The following LTBP4 variants were observed in gnomAD, a reference collection of about 807,000 sequenced individuals.
The protein encoded by LTBP4 is latent transforming growth factor beta binding protein 4.
A neutral mutation model predicts 180.2 loss-of-function variants in LTBP4; 93 were observed. That is an observed-to-expected ratio of 0.52 (90% CI 0.44 to 0.61). The LOEUF (loss-of-function observed/expected upper bound fraction) is 0.61, where lower values mean the gene tolerates loss of function less well. Ranked by LOEUF, LTBP4 falls within the 20% of genes least tolerant of loss-of-function variation. The pLI is 0.00. For missense variants in LTBP4, 2,116 were observed against 2,256.5 expected (o/e 0.94, Z 1.26); for synonymous variants, 947 against 934.5 (o/e 1.01, Z -0.24).
At chr19:40,620,443 G>T (rs2081578493) in intron 22 of LTBP4, among the ~76,000 whole-genome samples, 1 of 143,902 alleles carries the variant, frequency 6.9e-6, no homozygotes, top group South Asian at 2.3e-4. Context: ...TTGTCATGTT[G>T]CCCAGGCTGC....
Position 40,605,725 on chromosome 19 carries a change from G to T in LTBP4, c.691-4G>T, listed in dbSNP as rs1193242968. 5 of 1,546,578 alleles carry T rather than the reference G, an allele frequency of 3.2e-6. No homozygotes were observed. Among genetic ancestry groups the T allele is most frequent in the South Asian group, 1.2e-5 (1 of 83,978 alleles). Reference sequence around the variant, plus strand: ...GGGCGCGCTCACCCAACACTTCCCCGCAGTGCGCGTCCCCGCTGCCCGGGC... The same window carrying T: ...GGGCGCGCTCACCCAACACTTCCCCTCAGTGCGCGTCCCCGCTGCCCGGGC... On this transcript the variant is annotated splice_region_variant and splice_polypyrimidine_tract_variant and intron_variant, in intron 3 of 29. Coordinates refer to ENST00000396819, the MANE Select transcript of LTBP4 (RefSeq NM_001042545.2). The surrounding 1 kb of genome is among the most constrained non-coding windows in gnomAD (Gnocchi z 5.5).
chr19:40,622,757 C>T lies in LTBP4; in HGVS notation c.3484+90C>T, dbSNP rs1021295211. ...GCCTGGGACAGGGGACACTTTTGGA[C>T]AGGGCCTTGAGGTACTAGTACTGTC... On this transcript the variant is annotated intron_variant, in intron 23 of 29. Coordinates refer to ENST00000396819, the MANE Select transcript of LTBP4 (RefSeq NM_001042545.2). This position sits in a 1 kb window ranked among gnomAD's most constrained non-coding sequence, Gnocchi z 5.1. The T allele has an allele frequency of 4.0e-6, 6 of 1,483,864 alleles. No individual in the cohort carries two copies. Among genetic ancestry groups the T allele is most frequent in the African/African-American group, 1.4e-5 (1 of 72,692 alleles). The allele number at this position is 1,483,864 out of a possible 1,614,324, so 91.9% of individuals were successfully genotyped here.
chr19:40,627,907 C>G, intron 29 of LTBP4, 50 bp downstream of exon 29: 1 of 1,524,580 alleles, frequency 6.6e-7, no homozygotes, highest in Non-Finnish European at 8.8e-7. Context: ...GAGGCTTGTC[C>G]AGGGAGGGTG....
upstream of LTBP4, chr19:40,600,002 G>A: frequency 1.2e-6 from 1 of 822,196 alleles, no homozygotes; most frequent in East Asian, 3.3e-5. This position sits in a 1 kb window ranked among gnomAD's most constrained non-coding sequence, Gnocchi z 4.4. Context: ...TCCTGGCATG[G>A]AGGCCCTTTG....
intron 6 of LTBP4, among the ~76,000 whole-genome samples, chr19:40,607,138 C>T (rs1005088293): frequency 1.3e-5 from 2 of 152,204 alleles, no homozygotes; most frequent in Non-Finnish European, 2.9e-5. Context: ...TGAGATCCTT[C>T]TCAGAGTCTC....
rs1220133830 is a variant in LTBP4 at position 40,601,436 on chromosome 19, G to GCGCAGCTAGGGC, written c.56_67dup (p.Leu19_Gln22dup). The GCGCAGCTAGGGC allele has an allele frequency of 2.3e-4, 340 of 1,458,068 alleles. No individual in the cohort carries two copies. Among genetic ancestry groups the GCGCAGCTAGGGC allele is most frequent in the Non-Finnish European group, 2.7e-4 (299 of 1,107,630 alleles). 90.3% of individuals were successfully genotyped at this position (1,458,068 alleles called of 1,614,324 possible). The stretch of plus-strand genomic sequence containing the variant: ...CTGGGTGTCGCTATTGGTGCTGCTG[G>GCGCAGCTAGGGC]CGCAGCTAGGGCCGCAGCCTGGACT... On this transcript the variant is annotated inframe_insertion, in exon 1 of 30. Coordinates refer to ENST00000396819, the MANE Select transcript of LTBP4 (RefSeq NM_001042545.2).
At position 40,605,167 on chromosome 19, in the gene LTBP4, C is replaced by G. The variant is rs1157340059; in HGVS notation, c.383C>G (p.Pro128Arg). The change falls in exon 2 of 30, where the codon CCA becomes CGA. Residue 128 changes from proline to arginine, a missense_variant. Coordinates refer to ENST00000396819, the MANE Select transcript of LTBP4 (RefSeq NM_001042545.2). This position sits in a 1 kb window ranked among gnomAD's most constrained non-coding sequence, Gnocchi z 5.5. ...SGARPPAPAVPGLTRSVYTMP... is the reference protein window; with the variant it reads ...SGARPPAPAVRGLTRSVYTMP... ...GCCCGGCCCCCGGCCCCGGCTGTAC[C>G]AGGCCTCACCCGCTCCGTGTACACT... The G allele has an allele frequency of 1.2e-6, 2 of 1,610,408 alleles. No individual in the cohort carries two copies. Among genetic ancestry groups the G allele is most frequent in the Middle Eastern group, 1.7e-4 (1 of 6,056 alleles).
At chr19:40,623,783 C>T (rs2081604487) in intron 25 of LTBP4, 51 bp downstream of exon 25, 3 of 1,608,484 alleles carry the variant, frequency 1.9e-6, no homozygotes, top group Admixed American at 1.7e-5. Context: ...AACCCCTAGC[C>T]TTGCCAGCTC....
Position 40,605,461 on chromosome 19 carries a change from G to A in LTBP4, c.499G>A (p.Val167Met). The change falls in exon 3 of 30, where the codon GTG becomes ATG. Residue 167 changes from valine to methionine, a missense_variant. Val to Met is a conservative substitution (Grantham distance 21). Transcript: ENST00000396819. The surrounding 1 kb of genome is among the most constrained non-coding windows in gnomAD (Gnocchi z 5.5). ...VEHPQEASVV[V>M]HQVERVSGPW... ...GCACCCGCAGGAGGCGTCGGTGGTG[G>A]TGCACCAGGTGGAGCGTGTGTCTGG... is the stretch of plus-strand genomic sequence containing the variant. The A allele has an allele frequency of 6.2e-7, 1 of 1,612,624 alleles. No homozygotes were observed.
At chr19:40,607,562 G>C in intron 7 of LTBP4, 33 bp downstream of exon 7, 1 of 1,570,872 alleles carries the variant, frequency 6.4e-7, no homozygotes, top group Non-Finnish European at 8.6e-7. Flanking sequence ...AGCCCTACGC[G>C]CAACACATGT....
upstream of LTBP4, among the ~76,000 whole-genome samples, chr19:40,598,177 G>C (rs2081401222): frequency 8.0e-6 from 1 of 125,644 alleles, no homozygotes; most frequent in Non-Finnish European, 1.7e-5. Context: ...CTCCTCTCCC[G>C]CCTGGGTCTC....
chr19:40,625,729 A>G lies in LTBP4; in HGVS notation c.3833-128A>G, dbSNP rs2081628878. The G allele has an allele frequency of 5.1e-6, 4 of 791,628 alleles. No homozygotes were observed. The Admixed American group carries it at 1.0e-4, about 20-fold the overall frequency. 49.0% of individuals were successfully genotyped at this position (791,628 alleles called of 1,614,324 possible). ...GACCTCAGAGAACTTCCAGAGTTAG[A>G]TCACAGCTGATGAGAAGGATTTGCT... On this transcript the variant is annotated intron_variant, in intron 26 of 29. Transcript: ENST00000396819.
Position 40,625,890 on chromosome 19 carries a change from G to A in LTBP4, c.3866G>A (p.Gly1289Glu), listed in dbSNP as rs754438295. 2.5e-6 allele frequency: 4 copies of A among 1,598,322 alleles called. No homozygotes were observed. The highest frequency in any genetic ancestry group is 1.7e-5 in the Admixed American group (1 of 57,848). Residue 1289 changes from glycine (G) to glutamate (E), a missense_variant, in exon 27 of 30, where the codon GGG becomes GAG. Coordinates refer to ENST00000396819, the MANE Select transcript of LTBP4 (RefSeq NM_001042545.2). ...DNLGVCWQEV[G>E]ADLVCSHPRL... ...CTGGGAGTGTGCTGGCAGGAAGTGG[G>A]GGCTGACCTCGTGTGCAGCCACCCT... is the stretch of plus-strand genomic sequence containing the variant.
chr19:40,627,170 G>C lies in LTBP4; in HGVS notation c.4181G>C (p.Arg1394Pro). 6.2e-7 allele frequency: 1 copy of C among 1,612,986 alleles called. No homozygotes were observed. The highest frequency in any genetic ancestry group is 1.1e-5 in the South Asian group (1 of 90,896). ...CCACCGCCACCTGGGCCCTTCGCCC[G>C]CCGGGAGGCTCCTTATGGGGCACCC... ...PYPPPPGPFA[R>P]REAPYGAPRF... Residue 1394 changes from arginine (R) to proline (P), a missense_variant, in exon 28 of 30, where the codon CGC becomes CCC. This residue lies in a region of LTBP4 where 488 missense variants were observed against 458.8 expected (regional missense o/e 1.06). Transcript: ENST00000396819.
upstream of LTBP4, chr19:40,599,428 C>G: frequency 6.2e-7 from 1 of 1,613,868 alleles, no homozygotes; most frequent in Non-Finnish European, 8.5e-7. Context: ...AAGCCTTCTG[C>G]AGGGTCCGAA....
chr19:40,605,315 C>A lies in LTBP4; in HGVS notation c.442+89C>A. The A allele has an allele frequency of 6.3e-7, 1 of 1,577,374 alleles. No homozygotes were observed. The highest frequency in any genetic ancestry group is 1.3e-5 in the African/African-American group (1 of 74,420). On this transcript the variant is annotated intron_variant, in intron 2 of 29. Transcript: ENST00000396819. This position sits in a 1 kb window ranked among gnomAD's most constrained non-coding sequence, Gnocchi z 5.5. ...CTCATATTTCCCGCCTTCCCGAGCA[C>A]CTTTGCCCAGCTCGCCCTCCCCGCC...
chr19:40,617,189 G>T lies in LTBP4; in HGVS notation c.3034G>T (p.Gly1012Cys), dbSNP rs1440156439. 2.5e-6 allele frequency: 4 copies of T among 1,613,756 alleles called. No homozygotes were observed. The African/African-American group carries it at 5.3e-5, about 22-fold the overall frequency. Residue 1012 changes from glycine to cysteine, a missense_variant, in exon 21 of 30, where the codon GGT (glycine) becomes TGT (cysteine). Around this residue, in one of 5 missense-constraint regions of LTBP4, gnomAD observed 278 missense variants for 373.0 expected, o/e 0.75. Coordinates refer to ENST00000396819, the MANE Select transcript of LTBP4 (RefSeq NM_001042545.2). ...CTCCTTCCAGTGCCTCTGTGACCAG[G>T]GTTACGAGGGGGCACGGGATGGGCG... ...PGSFQCLCDQGYEGARDGRHC... is the reference protein window; with the variant it reads ...PGSFQCLCDQCYEGARDGRHC...
At chr19:40,610,096 C>T in intron 11 of LTBP4, 1 of 587,662 alleles carries the variant, frequency 1.7e-6, no homozygotes. Flanking sequence ...TCTATCGGGG[C>T]CTGGTCGCAA....
chr19:40,597,147 G>T (rs1313674746), upstream of LTBP4: 13 of 1,200,646 alleles, frequency 1.1e-5, no homozygotes, highest in Non-Finnish European at 1.4e-5. Flanking sequence ...CTCGGGCGGG[G>T]GCGGGGGCGG....
Sources: allele counts gnomAD v4.1 joint callset (sites outside exome capture counted in the v4.1 genomes callset), GRCh38; gene constraint gnomAD v4.1.1; regional missense constraint gnomAD v4.1.1; non-coding constraint Gnocchi (gnomAD v3.1); transcripts MANE v1.5; gene names NCBI Gene and HGNC (gene_info 2026-07-23, HGNC 2026-07-21).